Variants in PHKA1 observed in about 807,000 individuals in gnomAD.
PHKA1 encodes phosphorylase kinase regulatory subunit alpha 1.
PHKA1 carries 60 observed loss-of-function variants against 110.2 expected under a neutral mutation model. That is an observed-to-expected ratio of 0.54 (90% confidence interval 0.44 to 0.68). PHKA1 has a LOEUF of 0.68. Among genes scored for constraint, PHKA1 ranks in the 30% least tolerant of loss-of-function variants. The probability of loss-of-function intolerance (pLI) is 0.00; values close to 1 mark genes in which losing one functional copy is unlikely to be tolerated. For synonymous variants in PHKA1, 316 were observed against 333.6 expected, an observed-to-expected ratio of 0.95 and a Z score of 0.58; for missense variants, 801 against 942.5, an observed-to-expected ratio of 0.85 and a Z score of 1.97.
chrX:72,596,921 A>T (rs1218606148), intron 28 of PHKA1, among the ~76,000 whole-genome samples: 5 of 112,458 alleles, frequency 4.4e-5, no homozygotes, highest in Non-Finnish European at 9.4e-5. Flanking sequence ...GGACATATAG[A>T]TCGATGGAAT....
At chrX:72,677,624 T>C (rs1307990067) in intron 5 of PHKA1, among the ~76,000 whole-genome samples, 1 of 111,929 alleles carries the variant, frequency 8.9e-6, no homozygotes, top group East Asian at 2.8e-4. Context: ...TACTATGAAC[T>C]TACAGATATT....
At chrX:72,639,429 G>A (rs2053268970) in intron 14 of PHKA1, among the ~76,000 whole-genome samples, 1 of 111,305 alleles carries the variant, frequency 9.0e-6, no homozygotes. Context: ...CCAGCTACTT[G>A]GAAGGCTGAG....
At chrX:72,674,066 T>C (rs188662868) in intron 6 of PHKA1, among the ~76,000 whole-genome samples, 2 of 106,978 alleles carry the variant, frequency 1.9e-5, no homozygotes, top group Admixed American at 2.0e-4. Flanking sequence ...GTTTGGATTT[T>C]TGTCCTTGGG....
chrX:72,708,673 A>C (rs1234521000), intron 2 of PHKA1, among the ~76,000 whole-genome samples: 3 of 112,057 alleles, frequency 2.7e-5, no homozygotes, highest in African/African-American at 9.7e-5. Context: ...GTGTGCATGC[A>C]TCAAAAGGTA....
At chrX:72,665,309 C>A (rs782143628) in intron 8 of PHKA1, among the ~76,000 whole-genome samples, 1 of 111,676 alleles carries the variant, frequency 9.0e-6, no homozygotes, top group Non-Finnish European at 1.9e-5. Context: ...AGATACATTT[C>A]TGGACACATA....
At chrX:72,656,387 A>C (rs1444304025) in intron 9 of PHKA1, 145 bp from the exon 10 acceptor site, 1 of 561,001 alleles carries the variant, frequency 1.8e-6, no homozygotes, top group Non-Finnish European at 3.0e-6. Context: ...CCCTTCCCTT[A>C]GCAAGTACTC....
intron 18 of PHKA1, chrX:72,621,734 A>T (rs782461202): frequency 2.7e-6 from 2 of 735,471 alleles, no homozygotes; most frequent in African/African-American, 4.7e-5. Context: ...ATTCAGTGAC[A>T]TCCTAATGAC....
intron 2 of PHKA1, among the ~76,000 whole-genome samples, chrX:72,709,171 T>C (rs782559847): frequency 9.1e-6 from 1 of 110,410 alleles, no homozygotes; most frequent in Admixed American, 9.7e-5. Flanking sequence ...ATAGTTAAAG[T>C]CATGAGAAAA....
intron 28 of PHKA1, among the ~76,000 whole-genome samples, chrX:72,595,121 C>T (rs1488073611): frequency 8.9e-6 from 1 of 111,831 alleles, no homozygotes; most frequent in Non-Finnish European, 1.9e-5. Context: ...TCCAGAAATT[C>T]AAGGCTGTTT....
At chrX:72,589,065 T>C (rs892577264) in intron 29 of PHKA1, among the ~76,000 whole-genome samples, 29 of 111,850 alleles carry the variant, frequency 2.6e-4, no homozygotes, top group African/African-American at 9.1e-4. Context: ...GAATCCTCTC[T>C]AATTCAGTTT....
intron 8 of PHKA1, among the ~76,000 whole-genome samples, chrX:72,658,850 C>T (rs1243690873): frequency 3.6e-5 from 4 of 112,127 alleles, no homozygotes; most frequent in Non-Finnish European, 7.5e-5. Context: ...ACCCTGATCA[C>T]TTGGTTAAAG....
chrX:72,635,064 A>T (rs1556290650), intron 16 of PHKA1, 91 bp downstream of exon 16: 48 of 1,057,955 alleles, frequency 4.5e-5, no homozygotes, highest in Non-Finnish European at 6.3e-5. Flanking sequence ...AATTATAAGA[A>T]GTAGCTCTCT....
At chrX:72,706,084 C>T (rs1254072427) in intron 2 of PHKA1, among the ~76,000 whole-genome samples, 2 of 111,988 alleles carry the variant, frequency 1.8e-5, no homozygotes, top group African/African-American at 6.5e-5. Context: ...ACTTGGAAGC[C>T]ACATGATTCT....
intron 17 of PHKA1, 138 bp downstream of exon 17, chrX:72,626,833 G>A (rs1351510803): frequency 1.3e-5 from 7 of 534,207 alleles, no homozygotes; most frequent in Non-Finnish European, 2.3e-5. Context: ...GGTTGACCAC[G>A]GGTAACTGAA....
intron 5 of PHKA1, among the ~76,000 whole-genome samples, chrX:72,682,130 G>A (rs2053896013): frequency 4.6e-5 from 4 of 86,340 alleles, no homozygotes; most frequent in African/African-American, 4.2e-5. Context: ...GGTGAGGGGC[G>A]CCTCTGCCCG....
At chrX:72,669,347 CT>C (rs201527791) in intron 6 of PHKA1, among the ~76,000 whole-genome samples, 10 of 109,584 alleles carry the variant, frequency 9.1e-5, no homozygotes, top group African/African-American at 3.0e-4. Flanking sequence ...AGCTGTTTTT[CT>C]TTTTTTTTGT....
chrX:72,686,834 G>C (rs1603272002), intron 4 of PHKA1, among the ~76,000 whole-genome samples: 1 of 111,646 alleles, frequency 9.0e-6, no homozygotes, highest in African/African-American at 3.2e-5. Flanking sequence ...TTCAGAGTAA[G>C]CTGCAGATAT....
In PHKA1 at chrX:72,603,221, C is replaced by T; in HGVS notation, c.2816-1G>A. 1 of 1,157,025 alleles carries T rather than the reference C, an allele frequency of 8.6e-7. No homozygotes were observed. Among genetic ancestry groups the T allele is most frequent in the Non-Finnish European group, 1.2e-6 (1 of 846,693 alleles). ...ATCAGGCCCTCTGTGGCTTCCTCAG[C>T]TAGTCAGCAGAAATGTTAGAACAGA... On this transcript the variant is annotated splice_acceptor_variant, in intron 25 of 31. Transcript: ENST00000373542. LOFTEE classifies it high-confidence loss of function.
intron 4 of PHKA1, among the ~76,000 whole-genome samples, chrX:72,695,337 C>T (rs2054094364): frequency 9.0e-6 from 1 of 111,638 alleles, no homozygotes; most frequent in Non-Finnish European, 1.9e-5. Context: ...TGAGAACCAT[C>T]TGAAAAGGAT....
Sources: allele counts gnomAD v4.1 joint callset (sites outside exome capture counted in the v4.1 genomes callset), GRCh38; gene constraint gnomAD v4.1.1; transcripts MANE v1.5; gene names NCBI Gene and HGNC (gene_info 2026-07-23, HGNC 2026-07-21).